Variants in GRID2 observed in about 807,000 individuals in gnomAD.
GRID2 encodes glutamate ionotropic receptor delta type subunit 2.
In GRID2, 33 loss-of-function variants were observed where a neutral mutation model predicts 114.8. The observed-to-expected ratio is 0.29, with a 90% confidence interval of 0.22 to 0.38. The LOEUF (loss-of-function observed/expected upper bound fraction) is 0.38, where lower values mean the gene tolerates loss of function less well. GRID2 is among the 10% of genes least tolerant of loss of function. The pLI, the probability that GRID2 is intolerant of heterozygous loss-of-function variation, is 1.00. For synonymous variants in GRID2, 505 were observed against 449.9 expected, an observed-to-expected ratio of 1.12 and a Z score of -1.55; for missense variants, 1,184 against 1,257.7, an observed-to-expected ratio of 0.94 and a Z score of 0.89.
intron 8 of GRID2, among the ~76,000 whole-genome samples, chr4:93,279,482 G>GT (rs533399694): frequency 7.9e-5 from 12 of 151,316 alleles, no homozygotes; most frequent in Admixed American, 2.0e-4. Context: ...ATATTGACAG[G>GT]TTTTTTTTCA....
In GRID2 at chr4:92,931,730, A is replaced by G. The variant is rs1049047978; in HGVS notation, c.245-153265A>G. Among the ~76,000 whole-genome samples, 6 of 150,974 alleles carry G rather than the reference A, an allele frequency of 4.0e-5. No individual in the cohort carries two copies. The Admixed American group carries it at 4.0e-4, about 10-fold the overall frequency. Reference sequence around the variant, plus strand: ...ACTTAATATGATTTGATTATTTTTTATAATGCTACTGCTTCTAGTAATAAA... The same window carrying G: ...ACTTAATATGATTTGATTATTTTTTGTAATGCTACTGCTTCTAGTAATAAA... On this transcript the variant is annotated intron_variant, in intron 2 of 15. Coordinates refer to ENST00000282020, the MANE Select transcript of GRID2 (RefSeq NM_001510.4).
rs181862735 is a variant in GRID2, at chr4:92,969,033, T to C, written c.245-115962T>C. 2.6e-5 allele frequency among the ~76,000 whole-genome samples: 4 copies of C among 151,826 alleles called. No homozygotes were observed. The East Asian group carries it at 7.8e-4, about 29-fold the overall frequency. On this transcript the variant is annotated intron_variant, in intron 2 of 15. Transcript: ENST00000282020. ...GAGTTTTTACTTAATTACACTGAAC[T>C]TGAGATTATTCAAGCTAATATAAGG...
chr4:92,619,905 T>TCCC (rs77644358), intron 2 of GRID2, among the ~76,000 whole-genome samples: 3 of 151,650 alleles, frequency 2.0e-5, no homozygotes, highest in East Asian at 2.0e-4. Context: ...CCTTTTTTTT[T>TCCC]CCCCCACAGG....
intron 2 of GRID2, among the ~76,000 whole-genome samples, chr4:92,870,353 A>G (rs976672813): frequency 3.3e-5 from 5 of 152,068 alleles, no homozygotes; most frequent in African/African-American, 1.2e-4. Context: ...TTTAAGCTCC[A>G]TAAGGACAGC....
rs192042237 is a variant in GRID2 at position 92,460,260 on chromosome 4, G to A, written c.89-129871G>A. ...AAATACTGTGTGATCGAGATAATGGGGTCAGCAGATATTCTTCCAGAGACA... is the reference window on the plus strand; with the variant it reads ...AAATACTGTGTGATCGAGATAATGGAGTCAGCAGATATTCTTCCAGAGACA... On this transcript the variant is annotated intron_variant, in intron 1 of 15. Transcript: ENST00000282020. Among the ~76,000 whole-genome samples, 13 of 151,284 alleles carry A rather than the reference G, an allele frequency of 8.6e-5. No individual in the cohort carries two copies. In the East Asian group the frequency reaches 2.0e-3, roughly 23 times the overall value.
At chr4:93,689,486 A>C (rs972391359) in intron 14 of GRID2, among the ~76,000 whole-genome samples, 1 of 152,080 alleles carries the variant, frequency 6.6e-6, no homozygotes, top group East Asian at 1.9e-4. Context: ...AACAAAGATA[A>C]GCCTCTAATT....
rs1335305917 is a variant in GRID2 at position 93,525,417 on chromosome 4, T to G, written c.2193+10006T>G. On this transcript the variant is annotated intron_variant, in intron 13 of 15. Transcript: ENST00000282020. The stretch of plus-strand genomic sequence containing the variant: ...TAAAGTGGTGGGGGAGGAAGGTGCT[T>G]GTGGAACAAAGACACCTACTGGGCC... Among the ~76,000 whole-genome samples, 3 of 152,222 alleles carry G rather than the reference T, an allele frequency of 2.0e-5. 1 individual carries two copies. Among genetic ancestry groups the G allele is most frequent in the South Asian group, 4.1e-4 (2 of 4,828 alleles).
chr4:93,055,493 C>T (rs966571699), intron 2 of GRID2, among the ~76,000 whole-genome samples: 2 of 151,890 alleles, frequency 1.3e-5, no homozygotes, highest in Non-Finnish European at 2.9e-5. Flanking sequence ...ACATTGTGCA[C>T]ATGTACCCTA....
At chr4:92,785,253 A>G (rs542519977) in intron 2 of GRID2, among the ~76,000 whole-genome samples, 12 of 151,664 alleles carry the variant, frequency 7.9e-5, no homozygotes, top group African/African-American at 2.9e-4. Flanking sequence ...TGAAGTAGCA[A>G]TATTAATTAC....
At chr4:93,609,413 C>G (rs1476183856) in intron 13 of GRID2, among the ~76,000 whole-genome samples, 1 of 73,762 alleles carries the variant, frequency 1.4e-5, no homozygotes, top group African/African-American at 5.6e-5. Context: ...ATGGTAATGC[C>G]TAGGTTTTCT....
In GRID2 at chr4:92,857,603, T is replaced by C. The variant is rs576852616; in HGVS notation, c.245-227392T>C. On this transcript the variant is annotated intron_variant, in intron 2 of 15. Coordinates refer to ENST00000282020, the MANE Select transcript of GRID2 (RefSeq NM_001510.4). ...AAGCTGCAGAAGAAAAGTTGGAAGC[T>C]AGCAGAGGTTGGCTCCTGAGGTTCA... Among the ~76,000 whole-genome samples, 5 of 152,312 alleles carry C rather than the reference T, an allele frequency of 3.3e-5. No individual in the cohort carries two copies. In the East Asian group the frequency reaches 9.7e-4, roughly 29 times the overall value.
At chr4:93,578,000 A>T (rs1425281061) in intron 13 of GRID2, among the ~76,000 whole-genome samples, 1 of 152,166 alleles carries the variant, frequency 6.6e-6, no homozygotes, top group Non-Finnish European at 1.5e-5. Context: ...AGGAGATGGC[A>T]TTTTTCTCAT....
At chr4:93,399,544 T>G (rs1021736707) in intron 9 of GRID2, among the ~76,000 whole-genome samples, 1 of 152,074 alleles carries the variant, frequency 6.6e-6, no homozygotes, top group African/African-American at 2.4e-5. Flanking sequence ...GAGTGTTGAA[T>G]CACCAGAACC....
chr4:92,739,927 T>C (rs1736789188), intron 2 of GRID2, among the ~76,000 whole-genome samples: 1 of 152,128 alleles, frequency 6.6e-6, no homozygotes, highest in Non-Finnish European at 1.5e-5. Flanking sequence ...AAAATTACCT[T>C]CCATAATATT....
chr4:92,706,011 C>G (rs1734937729), intron 2 of GRID2, among the ~76,000 whole-genome samples: 1 of 152,164 alleles, frequency 6.6e-6, no homozygotes, highest in African/African-American at 2.4e-5. Context: ...GTATGATGGT[C>G]TAGACACCTC....
At chr4:93,066,152 G>A (rs888216884) in intron 2 of GRID2, among the ~76,000 whole-genome samples, 7 of 151,972 alleles carry the variant, frequency 4.6e-5, no homozygotes, top group Admixed American at 6.6e-5. Flanking sequence ...CCAGCACACC[G>A]GAGTTTAGAT....
chr4:93,095,309 T>C (rs988940097), intron 3 of GRID2, among the ~76,000 whole-genome samples: 1 of 151,982 alleles, frequency 6.6e-6, no homozygotes, highest in Non-Finnish European at 1.5e-5. Context: ...CGGTTTATGA[T>C]GTTCCCCTCC....
At chr4:93,716,639 A>T (rs914953687) in intron 14 of GRID2, among the ~76,000 whole-genome samples, 1 of 151,882 alleles carries the variant, frequency 6.6e-6, no homozygotes, top group African/African-American at 2.4e-5. Context: ...ATGTATGTAA[A>T]TATATGTGCT....
chr4:92,591,684 A>G (rs1728712144), intron 2 of GRID2, among the ~76,000 whole-genome samples: 1 of 152,164 alleles, frequency 6.6e-6, no homozygotes, highest in Non-Finnish European at 1.5e-5. Flanking sequence ...TATATTTTCA[A>G]TCAATAGCAC....
Sources: allele counts gnomAD v4.1 joint callset (sites outside exome capture counted in the v4.1 genomes callset), GRCh38; gene constraint gnomAD v4.1.1; transcripts MANE v1.5; gene names NCBI Gene and HGNC (gene_info 2026-07-23, HGNC 2026-07-21).